Variants in DCTN4 observed in about 807,000 individuals in gnomAD.
DCTN4 encodes the protein dynactin 4 (p62).
DCTN4 carries 23 observed loss-of-function variants against 62.7 expected under a neutral mutation model. The ratio of observed to expected loss-of-function variants is 0.37; its 90% CI spans 0.26 to 0.52. DCTN4 has a LOEUF of 0.52. DCTN4 is among the 20% of genes least tolerant of loss of function. DCTN4 has a pLI of 0.92. For synonymous variants in DCTN4, 199 were observed against 202.1 expected, an observed-to-expected ratio of 0.98 and a Z score of 0.13; for missense variants, 514 against 580.4, an observed-to-expected ratio of 0.89 and a Z score of 1.18.
chr5:150,734,699 T>C (rs1760511246), intron 4 of DCTN4, among the ~76,000 whole-genome samples: 1 of 152,134 alleles, frequency 6.6e-6, no homozygotes, highest in Admixed American at 6.6e-5. Context: ...GCCACAGCAG[T>C]CGGGAAGGGG....
chr5:150,733,504 A>C, intron 4 of DCTN4, 29 bp from the exon 5 acceptor site: 2 of 1,535,008 alleles, frequency 1.3e-6, no homozygotes, highest in South Asian at 2.3e-5. Flanking sequence ...CTCAGTACAC[A>C]AAAAAGCTAA....
intron 12 of DCTN4, among the ~76,000 whole-genome samples, chr5:150,713,855 G>A (rs949841875): frequency 1.6e-4 from 25 of 152,038 alleles, no homozygotes; most frequent in African/African-American, 4.8e-4. Flanking sequence ...GGTGGCTCAC[G>A]CCTGTAATCC....
intron 1 of DCTN4, chr5:150,757,987 T>G: frequency 1.2e-6 from 1 of 822,328 alleles, no homozygotes; most frequent in Non-Finnish European, 1.5e-6. Flanking sequence ...TCCACTTAAA[T>G]TGGTTTGAAG....
In DCTN4 at chr5:150,731,551, G is replaced by C. The variant is rs1374730661; in HGVS notation, c.538-62C>G. On this transcript the variant is annotated intron_variant, in intron 5 of 12. Coordinates refer to ENST00000447998, the MANE Select transcript of DCTN4 (RefSeq NM_016221.4). The stretch of plus-strand genomic sequence containing the variant: ...CTTTTACACACCCTATTTATCAAAA[G>C]AAAGAATTTTGGGTAGGATAGCATG... The C allele has an allele frequency of 2.9e-6, 4 of 1,380,320 alleles. No homozygotes were observed. In the East Asian group the frequency reaches 9.2e-5, roughly 32 times the overall value. 85.5% of individuals were successfully genotyped at this position (1,380,320 alleles called of 1,614,324 possible).
intron 8 of DCTN4, among the ~76,000 whole-genome samples, chr5:150,729,680 G>A (rs1350086989): frequency 6.6e-6 from 1 of 151,092 alleles, no homozygotes; most frequent in African/African-American, 2.4e-5. Context: ...CTATTCACAG[G>A]CACCATCATC....
At chr5:150,719,654 T>C (rs1759889728) in intron 10 of DCTN4, 62 bp downstream of exon 10, 2 of 1,205,576 alleles carry the variant, frequency 1.7e-6, no homozygotes, top group Middle Eastern at 1.9e-4. Flanking sequence ...GCCACCCACA[T>C]ACACATGTAC....
At chr5:150,733,257 C>G in intron 5 of DCTN4, 111 bp downstream of exon 5, 1 of 655,474 alleles carries the variant, frequency 1.5e-6, no homozygotes, top group East Asian at 2.8e-5. Context: ...TGAAGAATCC[C>G]TCTCTCTGAT....
intron 5 of DCTN4, among the ~76,000 whole-genome samples, chr5:150,732,790 C>G (rs981540415): frequency 9.9e-5 from 15 of 152,186 alleles, no homozygotes; most frequent in African/African-American, 3.6e-4. Context: ...ATCCTAATTT[C>G]TTTCTTCTTA....
intron 2 of DCTN4, chr5:150,755,432 A>G: frequency 2.3e-6 from 1 of 427,546 alleles, no homozygotes; most frequent in Non-Finnish European, 4.6e-6. Flanking sequence ...GAGAAACCTG[A>G]CAAACACTAG....
At chr5:150,714,411 C>T (rs1281349604) in intron 12 of DCTN4, among the ~76,000 whole-genome samples, 1 of 151,764 alleles carries the variant, frequency 6.6e-6, no homozygotes, top group Non-Finnish European at 1.5e-5. Context: ...CAGGGTATCA[C>T]TCTGTTGCCC....
intron 11 of DCTN4, among the ~76,000 whole-genome samples, chr5:150,716,028 A>T (rs1196008581): frequency 6.6e-6 from 1 of 151,996 alleles, no homozygotes; most frequent in Non-Finnish European, 1.5e-5. Context: ...ACTCAGCCTC[A>T]TGAGTAGCTA....
At chr5:150,717,189 AAG>A (rs539816547) in intron 11 of DCTN4, among the ~76,000 whole-genome samples, 14 of 152,174 alleles carry the variant, frequency 9.2e-5, no homozygotes, top group Non-Finnish European at 2.1e-4. Flanking sequence ...GCAAAATATA[AAG>A]AGAGGCCATA....
At chr5:150,754,420 G>A (rs555821794) in intron 2 of DCTN4, among the ~76,000 whole-genome samples, 33 of 152,270 alleles carry the variant, frequency 2.2e-4, no homozygotes, top group African/African-American at 7.7e-4. Flanking sequence ...ATTAATTTGT[G>A]GAAAGTATAC....
At chr5:150,744,135 T>C (rs1340780206) in intron 3 of DCTN4, among the ~76,000 whole-genome samples, 5 of 151,950 alleles carry the variant, frequency 3.3e-5, no homozygotes, top group African/African-American at 1.2e-4. Context: ...GAGAACTACA[T>C]GAAGAATGCA....
At chr5:150,758,609 G>T in intron 1 of DCTN4, 1 of 1,224,082 alleles carries the variant, frequency 8.2e-7, no homozygotes, top group South Asian at 2.0e-5. Context: ...AGACAGACAC[G>T]GTCCCTAAGT....
At chr5:150,721,854 C>G (rs568212141) in intron 9 of DCTN4, among the ~76,000 whole-genome samples, 1 of 152,078 alleles carries the variant, frequency 6.6e-6, no homozygotes, top group African/African-American at 2.4e-5. Context: ...AGAGAGAGTC[C>G]TGCTCCACTG....
intron 12 of DCTN4, among the ~76,000 whole-genome samples, chr5:150,713,432 T>TTTCTA: frequency 6.7e-6 from 1 of 150,366 alleles, no homozygotes; most frequent in Non-Finnish European, 1.5e-5. Flanking sequence ...TCACTTTATT[T>TTTCTA]TTCTTTTCTT....
At chr5:150,755,596 C>T (rs558159331) in intron 2 of DCTN4, 3 of 456,016 alleles carry the variant, frequency 6.6e-6, no homozygotes, top group Non-Finnish European at 1.3e-5. Flanking sequence ...CATGCAAATC[C>T]TAATGAAATG....
intron 10 of DCTN4, 121 bp downstream of exon 10, chr5:150,719,595 C>T (rs536087760): frequency 4.7e-5 from 33 of 707,446 alleles, no homozygotes; most frequent in South Asian, 4.1e-4. Flanking sequence ...CCCAAACTGT[C>T]TTCTTTTCTA....
Sources: allele counts gnomAD v4.1 joint callset (sites outside exome capture counted in the v4.1 genomes callset), GRCh38; gene constraint gnomAD v4.1.1; transcripts MANE v1.5; gene names NCBI Gene and HGNC (gene_info 2026-07-23, HGNC 2026-07-21).